Variants in KIF22 observed in about 807,000 individuals in gnomAD.
The protein encoded by KIF22 is kinesin family member 22, also known as kinesin-like protein KIF22.
In KIF22, 62 loss-of-function variants were observed where a neutral mutation model predicts 73.0. The ratio of observed to expected loss-of-function variants is 0.85; its 90% CI spans 0.69 to 1.05. The LOEUF is 1.05. Among genes scored for constraint, KIF22 ranks in the 50% least tolerant of loss-of-function variants. The pLI is 0.00. For missense variants in KIF22, 854 were observed against 870.1 expected (o/e 0.98, Z 0.23); for synonymous variants, 411 against 340.1 (o/e 1.21, Z -2.29).
chr16:29,798,955 C>A lies in KIF22; in HGVS notation c.550-20C>A. ...AGCCTCTCTATGGAGAATTGCCCTT[C>A]CCCTTCACTGCTTACACAGGTATTA... On this transcript the variant is annotated intron_variant, in intron 4 of 13. Transcript: ENST00000160827. The surrounding 1 kb of genome is among the most constrained non-coding windows in gnomAD (Gnocchi z 4.1). 6.2e-7 allele frequency: 1 copy of A among 1,610,468 alleles called. No individual in the cohort carries two copies. The highest frequency in any genetic ancestry group is 8.5e-7 in the Non-Finnish European group (1 of 1,176,622).
chr16:29,799,822 GA>G, intron 7 of KIF22, 41 bp downstream of exon 7: 1 of 1,613,216 alleles, frequency 6.2e-7, no homozygotes, highest in Non-Finnish European at 8.5e-7. Context: ...GCTGGGTCTG[GA>G]AATTAGGGAG....
Position 29,796,859 on chromosome 16 carries a change from ACTTCATGTCTAAAAGTGAT to A in KIF22, c.71-29_71-11del. On this transcript the variant is annotated splice_polypyrimidine_tract_variant and intron_variant, in intron 1 of 13. Coordinates refer to ENST00000160827, the MANE Select transcript of KIF22 (RefSeq NM_007317.3). ...TCCCTGCTTCTTCTGCTACCACCAT[ACTTCATGTCTAAAAGTGAT>A]CTTCTCTCCTCCAGGAGCTGGTCGC... The A allele has an allele frequency of 6.2e-7, 1 of 1,607,690 alleles. No individual in the cohort carries two copies. Among genetic ancestry groups the A allele is most frequent in the Non-Finnish European group, 8.5e-7 (1 of 1,175,458 alleles).
At chr16:29,791,985 G>A (rs977360844) in intron 1 of KIF22, among the ~76,000 whole-genome samples, 8 of 152,166 alleles carry the variant, frequency 5.3e-5, no homozygotes, top group South Asian at 2.1e-4. Flanking sequence ...GATGTAATAC[G>A]AAACACAATG....
rs1294291312 is a variant in KIF22, at chr16:29,797,960, G to A, written c.267-414G>A. 6.6e-6 allele frequency among the ~76,000 whole-genome samples: 1 copy of A among 152,198 alleles called. No homozygotes were observed. The highest frequency in any genetic ancestry group is 1.5e-5 in the Non-Finnish European group (1 of 68,038). On this transcript the variant is annotated intron_variant, in intron 2 of 13. Coordinates refer to ENST00000160827, the MANE Select transcript of KIF22 (RefSeq NM_007317.3). This position sits in a 1 kb window ranked among gnomAD's most constrained non-coding sequence, Gnocchi z 4.1. Reference sequence around the variant, plus strand: ...TCTACACATGTAGCCATTTGAAAAAGACTGGGAAGCCTTGCTTTTTTGCTA... The same window carrying A: ...TCTACACATGTAGCCATTTGAAAAAAACTGGGAAGCCTTGCTTTTTTGCTA...
Position 29,804,949 on chromosome 16 carries a change from C to T in KIF22, c.1813C>T (p.Arg605Cys). The T allele has an allele frequency of 1.2e-6, 2 of 1,613,326 alleles. No homozygotes were observed. The highest frequency in any genetic ancestry group is 1.7e-6 in the Non-Finnish European group (2 of 1,179,876). The change falls in exon 12 of 14, where the codon CGC becomes TGC. Residue 605 changes from arginine (R) to cysteine (C), a missense_variant. Transcript: ENST00000160827. ...GAACGAAGGCTCAGCCCGAGATCTC[C>T]GCAGTCTTCAGCGCATTGGCCCGAA... The part of the protein sequence containing the change: ...LLNEGSARDL[R>C]SLQRIGPKKA...
intron 8 of KIF22, among the ~76,000 whole-genome samples, chr16:29,800,888 G>T (rs1899115583): frequency 6.6e-6 from 1 of 152,162 alleles, no homozygotes; most frequent in African/African-American, 2.4e-5. Flanking sequence ...TCCTCCTGGG[G>T]ATCCTTTCCA....
At chr16:29,796,726 G>A (rs1898961511) in intron 1 of KIF22, among the ~76,000 whole-genome samples, 167 bp from the exon 2 acceptor site, 1 of 152,106 alleles carries the variant, frequency 6.6e-6, no homozygotes, top group African/African-American at 2.4e-5. Flanking sequence ...CTTGCTTGTA[G>A]AGCAGGGAAG....
chr16:29,799,170 G>T lies in KIF22; in HGVS notation c.745G>T (p.Val249Leu). Reference protein sequence around the residue: ...LNQRSSRSHAVLLVKVDQRER... With the variant: ...LNQRSSRSHALLLVKVDQRER... ...CCAGCGCTCCTCCCGCAGTCATGCT[G>T]TGCTCCTGGTCAAGGTGAGGCCGCA... Residue 249 changes from valine to leucine, a missense_variant, in exon 5 of 14, where the codon GTG (valine) becomes TTG (leucine). Coordinates refer to ENST00000160827, the MANE Select transcript of KIF22 (RefSeq NM_007317.3). The T allele has an allele frequency of 6.2e-7, 1 of 1,613,736 alleles. No individual in the cohort carries two copies. The highest frequency in any genetic ancestry group is 1.1e-5 in the South Asian group (1 of 91,038).
At chr16:29,795,120 G>C (rs1032321436) in intron 1 of KIF22, among the ~76,000 whole-genome samples, 1 of 152,178 alleles carries the variant, frequency 6.6e-6, no homozygotes, top group African/African-American at 2.4e-5. Context: ...GCAGGCAGAG[G>C]AAGGTCCTGC....
At chr16:29,803,017 A>G in intron 9 of KIF22, 80 bp downstream of exon 9, 1 of 1,430,394 alleles carries the variant, frequency 7.0e-7, no homozygotes, top group Non-Finnish European at 9.7e-7. Flanking sequence ...AGGGAAGGAC[A>G]CTCAGGCTGG....
chr16:29,802,291 A>T (rs1488393899), intron 8 of KIF22, among the ~76,000 whole-genome samples: 5 of 151,338 alleles, frequency 3.3e-5, no homozygotes, highest in Non-Finnish European at 7.4e-5. Flanking sequence ...AAAAAAAAAA[A>T]AGAATGTTAA....
intron 8 of KIF22, among the ~76,000 whole-genome samples, chr16:29,802,267 CAAAAAAA>C (rs71389599): frequency 7.7e-4 from 26 of 33,900 alleles, no homozygotes; most frequent in East Asian, 2.5e-3. Context: ...GACCCTGTCT[CAAAAAAA>C]AAAAAAAAAA....
At position 29,799,270 on chromosome 16, in the gene KIF22, C is replaced by G; in HGVS notation, c.766C>G (p.Gln256Glu). 1 of 1,613,544 alleles carries G rather than the reference C, an allele frequency of 6.2e-7. No individual in the cohort carries two copies. The highest frequency in any genetic ancestry group is 8.5e-7 in the Non-Finnish European group (1 of 1,179,726). Residue 256 changes from glutamine (Q) to glutamate (E), a missense_variant, in exon 6 of 14, where the codon CAG becomes GAG. Gln to Glu is a conservative substitution (Grantham distance 29). Around this residue, in one of 3 missense-constraint regions of KIF22, gnomAD observed 245 missense variants for 351.8 expected, o/e 0.70. Transcript: ENST00000160827. ...SHAVLLVKVD[Q>E]RERLAPFRQR... is the part of the protein sequence containing the mutation. ...CCTTTGTTCTTACCCCCAGGTGGAC[C>G]AGCGGGAACGTTTGGCCCCATTTCG...
chr16:29,799,000 C>A lies in KIF22; in HGVS notation c.575C>A (p.Ser192Ter), dbSNP rs377204303. The change falls in exon 5 of 14, where the codon TCG becomes TAG. Residue 192 changes from serine to a stop codon, truncating the protein, a stop_gained. Coordinates refer to ENST00000160827, the MANE Select transcript of KIF22 (RefSeq NM_007317.3). LOFTEE classifies it high-confidence loss of function. This position sits in a 1 kb window ranked among gnomAD's most constrained non-coding sequence, Gnocchi z 4.1. ...GTATTAGACCTCCTGGACCCTGCTT[C>A]GGGAGACCTGGTAATCCGAGAAGAC... ...EKVLDLLDPASGDLVIREDCR... is the reference protein window; with the variant it reads ...EKVLDLLDPA The A allele has an allele frequency of 1.2e-6, 2 of 1,614,104 alleles. No homozygotes were observed. The highest frequency in any genetic ancestry group is 1.7e-6 in the Non-Finnish European group (2 of 1,180,050).
rs1899245913 is a variant in KIF22, at chr16:29,804,095, CTGGAGCCCAG to C, written c.1677+31_1677+40del. Reference sequence around the variant, plus strand: ...AAGTAGCTGGGGGCTTAGGCTACACCTGGAGCCCAGAAGTAAGGGGGAGTAGGCTCTAGGG... The same window carrying C: ...AAGTAGCTGGGGGCTTAGGCTACACCAAGTAAGGGGGAGTAGGCTCTAGGG... On this transcript the variant is annotated intron_variant, in intron 11 of 13. Transcript: ENST00000160827. 4 of 1,578,492 alleles carry C rather than the reference CTGGAGCCCAG, an allele frequency of 2.5e-6. No homozygotes were observed. The East Asian group carries it at 8.9e-5, about 35-fold the overall frequency.
In KIF22 at chr16:29,798,328, AC is replaced by A; in HGVS notation, c.267-45del. 3 of 1,552,226 alleles carry A rather than the reference AC, an allele frequency of 1.9e-6. No homozygotes were observed. Among genetic ancestry groups the A allele is most frequent in the Non-Finnish European group, 2.6e-6 (3 of 1,148,916 alleles). On this transcript the variant is annotated intron_variant, in intron 2 of 13. Transcript: ENST00000160827. This position sits in a 1 kb window ranked among gnomAD's most constrained non-coding sequence, Gnocchi z 4.1. ...CTCCACCCCTTACACACACACACACACACACACACACACACACACGCTAATT... is the reference window on the plus strand; with the variant it reads ...CTCCACCCCTTACACACACACACACAACACACACACACACACACGCTAATT...
rs1596854441 is a variant in KIF22 at position 29,802,887 on chromosome 16, G to A, written c.1399G>A (p.Glu467Lys). Reference sequence around the variant, plus strand: ...CCCTCTGTTGAGTACCCCAAAGCGAGAGCGGATGGTGCTAATGAAGACAGT... The same window carrying A: ...CCCTCTGTTGAGTACCCCAAAGCGAAAGCGGATGGTGCTAATGAAGACAGT... ...GAPLLSTPKR[E>K]RMVLMKTVEE... Residue 467 changes from glutamate (E) to lysine (K), a missense_variant, in exon 9 of 14, where the codon GAG becomes AAG. Glu to Lys is a moderately conservative substitution (Grantham distance 56, BLOSUM62 1). Coordinates refer to ENST00000160827, the MANE Select transcript of KIF22 (RefSeq NM_007317.3). The A allele has an allele frequency of 6.2e-7, 1 of 1,612,724 alleles. No individual in the cohort carries two copies. The highest frequency in any genetic ancestry group is 2.2e-5 in the East Asian group (1 of 44,784).
rs749365728 is a variant in KIF22, at chr16:29,805,362, G to A, written c.*52G>A. On this transcript the variant is annotated 3_prime_UTR_variant, in exon 14 of 14. Transcript: ENST00000160827. ...AAATTTTTGTATAACCCCGTGTTGT[G>A]TAAATACAGTTTTTGCTCCGGTGCT... The A allele has an allele frequency of 5.7e-6, 9 of 1,575,352 alleles. No homozygotes were observed. The East Asian group carries it at 1.1e-4, about 20-fold the overall frequency.
chr16:29,804,838 C>G lies in KIF22; in HGVS notation c.1702C>G (p.Pro568Ala), dbSNP rs773857563. 6.2e-7 allele frequency: 1 copy of G among 1,612,350 alleles called. No homozygotes were observed. Among genetic ancestry groups the G allele is most frequent in the Non-Finnish European group, 8.5e-7 (1 of 1,179,370 alleles). Residue 568 changes from proline (P) to alanine (A), a missense_variant, in exon 12 of 14, where the codon CCT becomes GCT. Coordinates refer to ENST00000160827, the MANE Select transcript of KIF22 (RefSeq NM_007317.3). The part of the protein sequence containing the change: ...RKLESLDALE[P>A]EEKAEDCWEL... ...GCTGGAGTCCCTGGATGCCCTAGAG[C>G]CTGAGGAGAAGGCTGAGGACTGCTG...
Sources: gnomAD v4.1 joint callset for allele counts (sites outside exome capture counted in the v4.1 genomes callset) on GRCh38, gnomAD v4.1.1 for gene constraint, gnomAD v4.1.1 regional missense constraint, Gnocchi (gnomAD v3.1) non-coding constraint, MANE v1.5 for transcripts, NCBI Gene and HGNC (gene_info 2026-07-23, HGNC 2026-07-21) for gene names.